CTNNA3: variants seen among roughly 807,000 people sequenced by gnomAD.
CTNNA3 encodes the protein catenin alpha 3.
In CTNNA3, 76 loss-of-function variants were observed where a neutral mutation model predicts 95.7. The ratio of observed to expected loss-of-function variants is 0.79; its 90% confidence interval spans 0.66 to 0.96. The LOEUF is 0.96. Among genes scored for constraint, CTNNA3 ranks in the 40% least tolerant of loss-of-function variants. The pLI, the probability that CTNNA3 is intolerant of heterozygous loss-of-function variation, is 0.00. For missense variants in CTNNA3, 1,191 were observed against 1,089.8 expected (o/e 1.09, Z -1.31); for synonymous variants, 431 against 374.4 (o/e 1.15, Z -1.74).
intron 10 of CTNNA3, among the ~76,000 whole-genome samples, chr10:66,543,248 G>A (rs746432502): frequency 3.9e-5 from 6 of 151,902 alleles, no homozygotes; most frequent in African/African-American, 9.7e-5. Flanking sequence ...CTCTGCCACT[G>A]AGCCCGGCTA....
intron 11 of CTNNA3, among the ~76,000 whole-genome samples, chr10:66,384,074 A>C (rs1419571121): frequency 1.6e-4 from 25 of 152,202 alleles, no homozygotes; most frequent in Non-Finnish European, 3.7e-4. Flanking sequence ...TCATAATGAC[A>C]GGATCAAATT....
intron 7 of CTNNA3, among the ~76,000 whole-genome samples, chr10:66,840,323 ATCTC>A (rs71035189): frequency 0.015 from 1,384 of 90,468 alleles, 27 homozygotes; most frequent in East Asian, 0.049. Flanking sequence ...CCAAGAAGCC[ATCTC>A]TCTCTCTCTC....
At chr10:66,178,016 C>T (rs1347367311) in intron 13 of CTNNA3, among the ~76,000 whole-genome samples, 1 of 151,394 alleles carries the variant, frequency 6.6e-6, no homozygotes, top group Non-Finnish European at 1.5e-5. Flanking sequence ...AATGTTTATG[C>T]CTAGCTAACA....
rs1036367552 is a variant in CTNNA3 at position 66,652,686 on chromosome 10, A to C, written c.1282-30902T>G. Among the ~76,000 whole-genome samples the C allele has an allele frequency of 4.6e-5, 7 of 152,184 alleles. No homozygotes were observed. In the East Asian group the frequency reaches 7.7e-4, roughly 17 times the overall value. Reference sequence around the variant, plus strand: ...CCAAATCCATAAAAGGACACTACAAAAAAATAAAATTACATGCCAATATTC... The same window carrying C: ...CCAAATCCATAAAAGGACACTACAACAAAATAAAATTACATGCCAATATTC... On this transcript the variant is annotated intron_variant, in intron 9 of 17. Transcript: ENST00000433211.
At chr10:67,277,616 C>T (rs977468070) in intron 5 of CTNNA3, among the ~76,000 whole-genome samples, 10 of 151,956 alleles carry the variant, frequency 6.6e-5, no homozygotes, top group Non-Finnish European at 1.3e-4. Context: ...GATGGGAAGT[C>T]GGCACAAGAT....
Position 66,579,185 on chromosome 10 carries a change from C to T in CTNNA3, c.1374+42507G>A, listed in dbSNP as rs376458020. Among the ~76,000 whole-genome samples the T allele has an allele frequency of 2.0e-4, 31 of 151,768 alleles. No homozygotes were observed. The South Asian group carries it at 6.4e-3, about 32-fold the overall frequency. On this transcript the variant is annotated intron_variant, in intron 10 of 17. Coordinates refer to ENST00000433211, the MANE Select transcript of CTNNA3 (RefSeq NM_013266.4). ...TTCTTTGAGATCACCTGTAAAGTCA[C>T]GTTTTTCATTTCTGATTGTATTTAT...
chr10:67,595,134 T>C (rs142221892), intron 3 of CTNNA3, among the ~76,000 whole-genome samples: 1 of 152,248 alleles, frequency 6.6e-6, no homozygotes, highest in East Asian at 1.9e-4. Flanking sequence ...CTCAATTTTA[T>C]TCAGTTCAGC....
chr10:67,009,185 T>G (rs1352584799), intron 7 of CTNNA3, among the ~76,000 whole-genome samples: 3 of 152,138 alleles, frequency 2.0e-5, no homozygotes, highest in African/African-American at 7.2e-5. Context: ...AAGTCTTTAT[T>G]TCAGGAATTT....
intron 1 of CTNNA3, among the ~76,000 whole-genome samples, chr10:67,749,110 A>G (rs1841388768): frequency 6.6e-6 from 1 of 152,212 alleles, no homozygotes; most frequent in Non-Finnish European, 1.5e-5. Flanking sequence ...AACAATTCTA[A>G]ATATATATGC....
At chr10:65,976,823 T>C (rs1429791464) in intron 16 of CTNNA3, among the ~76,000 whole-genome samples, 1 of 152,018 alleles carries the variant, frequency 6.6e-6, no homozygotes, top group Non-Finnish European at 1.5e-5. Context: ...GTTACTTGGA[T>C]TTTTTTTCTA....
chr10:66,672,531 A>C (rs1179073619), intron 9 of CTNNA3, among the ~76,000 whole-genome samples: 1 of 152,128 alleles, frequency 6.6e-6, no homozygotes, highest in Non-Finnish European at 1.5e-5. Flanking sequence ...TATGTATCAA[A>C]ATTTCCTTAA....
At chr10:66,270,207 AAC>A (rs2091247464) in intron 13 of CTNNA3, among the ~76,000 whole-genome samples, 1 of 138,684 alleles carries the variant, frequency 7.2e-6, no homozygotes, top group South Asian at 2.4e-4. Context: ...TTTAATGCAG[AAC>A]ACTATAACAT....
intron 11 of CTNNA3, among the ~76,000 whole-genome samples, chr10:66,487,925 A>G (rs1212399447): frequency 6.6e-6 from 1 of 152,182 alleles, no homozygotes; most frequent in East Asian, 1.9e-4. Flanking sequence ...GAAACATTTT[A>G]CCAGGAATTA....
intron 15 of CTNNA3, among the ~76,000 whole-genome samples, chr10:66,023,157 T>C (rs1204006314): frequency 6.6e-6 from 1 of 152,202 alleles, no homozygotes; most frequent in East Asian, 1.9e-4. Context: ...ATAAATGTTT[T>C]TAGAAAGCCT....
At chr10:67,104,985 A>C (rs12761998) in intron 7 of CTNNA3, among the ~76,000 whole-genome samples, 8,133 of 152,140 alleles carry the variant, frequency 0.053, 336 homozygotes, top group Middle Eastern at 0.12. Flanking sequence ...GATTGTGGAC[A>C]ACAAAGATGC....
intron 13 of CTNNA3, among the ~76,000 whole-genome samples, chr10:66,133,336 G>A (rs770157953): frequency 7.9e-5 from 12 of 152,016 alleles, no homozygotes; most frequent in African/African-American, 1.7e-4. Flanking sequence ...CCAACATGGC[G>A]AAACCCCATC....
chr10:65,985,385 A>C (rs1331685329), intron 16 of CTNNA3, among the ~76,000 whole-genome samples: 1 of 151,348 alleles, frequency 6.6e-6, no homozygotes. Flanking sequence ...ACATTAATGA[A>C]AGCAACAGAT....
At chr10:65,997,899 C>A (rs144924417) in intron 15 of CTNNA3, among the ~76,000 whole-genome samples, 3,135 of 152,154 alleles carry the variant, frequency 0.021, 110 homozygotes, top group African/African-American at 0.072. Flanking sequence ...CTGGTAATCC[C>A]AGCTACCTGG....
chr10:67,705,006 A>T (rs886340591), intron 1 of CTNNA3, among the ~76,000 whole-genome samples: 4 of 152,262 alleles, frequency 2.6e-5, no homozygotes, highest in Non-Finnish European at 5.9e-5. Flanking sequence ...ACACTTATGC[A>T]GCCAAAAAAC....
Sources: allele counts gnomAD v4.1 joint callset (sites outside exome capture counted in the v4.1 genomes callset), GRCh38; gene constraint gnomAD v4.1.1; transcripts MANE v1.5; gene names NCBI Gene and HGNC (gene_info 2026-07-23, HGNC 2026-07-21).